Variants in ANXA4 observed in about 807,000 individuals in gnomAD.
ANXA4 encodes the protein 35-beta calcimedin.
Under a neutral mutation model 49.8 loss-of-function variants are expected in ANXA4, and 39 were observed. The observed-to-expected ratio is 0.78, with a 90% CI of 0.61 to 1.02. ANXA4 has a LOEUF of 1.02. ANXA4 is among the 50% of genes least tolerant of loss of function. ANXA4 has a pLI of 0.00. For synonymous variants in ANXA4, 134 were observed against 152.5 expected (o/e 0.88, Z 0.89); for missense variants, 360 against 410.1 (o/e 0.88, Z 1.05).
intron 1 of ANXA4, among the ~76,000 whole-genome samples, chr2:69,749,996 G>A (rs1670773742): frequency 6.6e-6 from 1 of 152,002 alleles, no homozygotes; most frequent in African/African-American, 2.4e-5. Context: ...ACTTCTAGGA[G>A]GATACACAGG....
intron 2 of ANXA4, among the ~76,000 whole-genome samples, chr2:69,706,292 CTTTTTTT>C (rs916740716): frequency 7.6e-4 from 45 of 59,302 alleles, no homozygotes; most frequent in Non-Finnish European, 9.4e-4. Context: ...GGTACAATTC[CTTTTTTT>C]TTTTTTTTTT....
chr2:69,680,203 C>T (rs1046708560), intron 2 of ANXA4, among the ~76,000 whole-genome samples: 15 of 152,154 alleles, frequency 9.9e-5, no homozygotes, highest in African/African-American at 2.9e-4. Flanking sequence ...TGTAGTTTCC[C>T]TTATAGAAGT....
At position 69,656,279 on chromosome 2, in the gene ANXA4, A is replaced by G. The variant is rs1245991857; in HGVS notation, n.766+2997A>G. 1.0e-4 allele frequency among the ~76,000 whole-genome samples: 13 copies of G among 124,994 alleles called. No homozygotes were observed. The East Asian group carries it at 3.7e-3, about 35-fold the overall frequency. 82.0% of individuals were successfully genotyped at this position (124,994 alleles called of 152,430 possible). ...TATACGTATATATATGTATATACGT[A>G]TATATATACATATATGTATATATAT... On this transcript the variant is annotated intron_variant and non_coding_transcript_variant, in intron 2 of 3. Coordinates refer to the ANXA4 transcript ENST00000418066.
At chr2:69,724,120 CAAAAAAAG>C (rs1404561238) in intron 3 of ANXA4, among the ~76,000 whole-genome samples, 1 of 151,296 alleles carries the variant, frequency 6.6e-6, no homozygotes. Flanking sequence ...AACTCCATCT[CAAAAAAAG>C]AAAAAAAGAA....
chr2:69,778,699 C>G (rs1417581223), intron 1 of ANXA4, among the ~76,000 whole-genome samples: 1 of 142,898 alleles, frequency 7.0e-6, no homozygotes, highest in Non-Finnish European at 1.5e-5. Context: ...CACTTGAACC[C>G]GGGAGGCGGA....
intron 2 of ANXA4, among the ~76,000 whole-genome samples, chr2:69,672,161 T>TG (rs531956749): frequency 7.0e-4 from 106 of 152,332 alleles, no homozygotes; most frequent in African/African-American, 2.5e-3. Context: ...CACAGTTACA[T>TG]GATCAACATG....
intron 7 of ANXA4, 70 bp downstream of exon 7, chr2:69,810,743 C>A: frequency 7.9e-7 from 1 of 1,264,912 alleles, no homozygotes; most frequent in African/African-American, 1.5e-5. Flanking sequence ...GCCAGCCTTT[C>A]TCATCCTTTC....
chr2:69,735,211 C>A (rs1670211854), intron 3 of ANXA4, among the ~76,000 whole-genome samples: 1 of 152,112 alleles, frequency 6.6e-6, no homozygotes, highest in Non-Finnish European at 1.5e-5. Context: ...TGAAACAGAC[C>A]TCTGAGGAGG....
At chr2:69,665,974 G>T (rs2105332332) in intron 2 of ANXA4, among the ~76,000 whole-genome samples, 1 of 152,274 alleles carries the variant, frequency 6.6e-6, no homozygotes, top group African/African-American at 2.4e-5. Context: ...GGAGCCTGAG[G>T]CAGGCGGATC....
At chr2:69,734,622 T>C (rs1486698663) in intron 3 of ANXA4, among the ~76,000 whole-genome samples, 1 of 151,784 alleles carries the variant, frequency 6.6e-6, no homozygotes, top group African/African-American at 2.4e-5. Context: ...CCCTCTCTGT[T>C]CTCCCTTCCC....
intron 2 of ANXA4, among the ~76,000 whole-genome samples, chr2:69,675,761 TA>T (rs1289190220): frequency 5.9e-5 from 9 of 152,058 alleles, no homozygotes; most frequent in Admixed American, 4.6e-4. Flanking sequence ...TAAAAATGGT[TA>T]AAATGAATCC....
At chr2:69,816,478 T>C in intron 9 of ANXA4, 1 of 296,004 alleles carries the variant, frequency 3.4e-6, no homozygotes, top group Non-Finnish European at 6.5e-6. Context: ...TTTTCTAAAG[T>C]AGCCCCAGTA....
rs2105348882 is a variant in ANXA4, at chr2:69,675,257, A to G, written n.766+21975A>G. Among the ~76,000 whole-genome samples the G allele has an allele frequency of 2.0e-5, 3 of 152,238 alleles. No homozygotes were observed. In the South Asian group the frequency reaches 6.2e-4, roughly 32 times the overall value. On this transcript the variant is annotated intron_variant and non_coding_transcript_variant, in intron 2 of 3. Transcript: ENST00000418066. ...TTATTTTCCTCAGTCATCCTGCCCC[A>G]TACAAAGATACTCTCTTTACATAGT...
intron 3 of ANXA4, among the ~76,000 whole-genome samples, chr2:69,727,174 T>G (rs1313827434): frequency 6.6e-6 from 1 of 152,234 alleles, no homozygotes; most frequent in Non-Finnish European, 1.5e-5. Context: ...GTGCCTAGCC[T>G]CGTTTCACTA....
At chr2:69,653,948 CT>C (rs1676345204) in intron 2 of ANXA4, among the ~76,000 whole-genome samples, 1 of 152,192 alleles carries the variant, frequency 6.6e-6, no homozygotes, top group Non-Finnish European at 1.5e-5. Flanking sequence ...TTTGTGTCCT[CT>C]CTTATTTCCT....
intron 3 of ANXA4, among the ~76,000 whole-genome samples, chr2:69,801,280 T>C (rs938781646): frequency 8.5e-5 from 13 of 152,318 alleles, no homozygotes; most frequent in African/African-American, 2.6e-4. Context: ...AGTTTCCTTA[T>C]CTACGTTTGT....
chr2:69,695,978 A>G lies in ANXA4; in HGVS notation n.767-24796A>G, dbSNP rs541085326. Among the ~76,000 whole-genome samples, 10 of 152,298 alleles carry G rather than the reference A, an allele frequency of 6.6e-5. No homozygotes were observed. In the South Asian group the frequency reaches 1.7e-3, roughly 25 times the overall value. ...AATCTTTTTGCTAGTGGAGGATCTC[A>G]TCTCAACACTGGTGACTGCTGACTG... On this transcript the variant is annotated intron_variant and non_coding_transcript_variant, in intron 2 of 3. Transcript: ENST00000418066.
intron 3 of ANXA4, among the ~76,000 whole-genome samples, chr2:69,727,694 TTG>T (rs1419525887): frequency 6.6e-6 from 1 of 152,254 alleles, no homozygotes; most frequent in Non-Finnish European, 1.5e-5. Context: ...ACAAAAAATC[TTG>T]TGTTTCCTTC....
intron 1 of ANXA4, among the ~76,000 whole-genome samples, chr2:69,649,084 C>G (rs1676123779): frequency 6.6e-6 from 1 of 151,794 alleles, no homozygotes; most frequent in South Asian, 2.1e-4. Flanking sequence ...TGGGGTTTCT[C>G]CATGTTGGTC....
Sources: allele counts gnomAD v4.1 joint callset (sites outside exome capture counted in the v4.1 genomes callset), GRCh38; gene constraint gnomAD v4.1.1; transcripts MANE v1.5; gene names NCBI Gene and HGNC (gene_info 2026-07-23, HGNC 2026-07-21).